Variants in BNIP3L observed in about 807,000 individuals in gnomAD.
The protein encoded by BNIP3L is BCL2/adenovirus E1B 19 kDa protein-interacting protein 3-like.
A neutral mutation model predicts 25.5 loss-of-function variants in BNIP3L; 10 were observed. That is an observed-to-expected ratio of 0.39 (90% CI 0.24 to 0.67). The LOEUF (loss-of-function observed/expected upper bound fraction) is 0.67. Ranked by LOEUF, BNIP3L falls within the 30% of genes least tolerant of loss-of-function variation. The pLI is 0.45. For synonymous variants in BNIP3L, 113 were observed against 101.2 expected, an observed-to-expected ratio of 1.12 and a Z score of -0.70; for missense variants, 215 against 270.9, an observed-to-expected ratio of 0.79 and a Z score of 1.45.
At chr8:26,399,922 A>G (rs1001747755) in intron 3 of BNIP3L, among the ~76,000 whole-genome samples, 1 of 148,966 alleles carries the variant, frequency 6.7e-6, no homozygotes, top group Non-Finnish European at 1.5e-5. Context: ...AGAGGATACA[A>G]AGAAATGGAA....
At chr8:26,390,193 A>G (rs772989414) in intron 1 of BNIP3L, among the ~76,000 whole-genome samples, 4 of 152,126 alleles carry the variant, frequency 2.6e-5, no homozygotes, top group Non-Finnish European at 4.4e-5. Context: ...GATTCAAGCA[A>G]TCCTGGTGCC....
rs1289145891 is a variant in BNIP3L, at chr8:26,408,256, C to G, written c.491C>G (p.Ser164Cys). Residue 164 changes from serine to cysteine, a missense_variant, in exon 5 of 6, where the codon TCT becomes TGT. Ser to Cys is a moderately radical substitution (Grantham distance 112, BLOSUM62 -1). Transcript: ENST00000380629. Reference protein sequence around the residue: ...KEFHFRHPKRSVSLSMRKSGA... With the variant: ...KEFHFRHPKRCVSLSMRKSGA... ...TTCCACTTCAGACACCCTAAACGTT[C>G]TGTGTCTTTAAGCATGAGGAAAAGT... The G allele has an allele frequency of 6.2e-7, 1 of 1,614,008 alleles. No individual in the cohort carries two copies. The highest frequency in any genetic ancestry group is 2.2e-5 in the East Asian group (1 of 44,888).
At chr8:26,393,724 C>T (rs888400346) in intron 2 of BNIP3L, among the ~76,000 whole-genome samples, 4 of 152,024 alleles carry the variant, frequency 2.6e-5, no homozygotes, top group Non-Finnish European at 5.9e-5. Flanking sequence ...AGCTGTGAAC[C>T]CAACAGTTAT....
intron 3 of BNIP3L, among the ~76,000 whole-genome samples, chr8:26,406,467 C>T (rs1806501577): frequency 6.6e-6 from 1 of 152,174 alleles, no homozygotes; most frequent in Admixed American, 6.5e-5. Flanking sequence ...TCAGTCTCCT[C>T]ATCTGTAAAA....
At chr8:26,403,440 T>C (rs1198344924) in intron 3 of BNIP3L, among the ~76,000 whole-genome samples, 1 of 152,184 alleles carries the variant, frequency 6.6e-6, no homozygotes, top group African/African-American at 2.4e-5. Flanking sequence ...TTTATATGTG[T>C]TTATAAGGAC....
intron 3 of BNIP3L, among the ~76,000 whole-genome samples, chr8:26,405,436 A>G (rs1007794590): frequency 7.2e-5 from 11 of 152,334 alleles, no homozygotes; most frequent in Admixed American, 7.2e-4. Flanking sequence ...CCTAAATGCT[A>G]CATTGTGTCA....
rs912348039 is a variant in BNIP3L at position 26,411,571 on chromosome 8, G to A, written c.*1159G>A. On this transcript the variant is annotated 3_prime_UTR_variant, in exon 6 of 6. Transcript: ENST00000380629. ...GTACAGTCTTCCCAAGGTGATTCCT[G>A]CGACTGCAGGCACTGGTCATTTTCT... 2 of 152,436 alleles carry A rather than the reference G, an allele frequency of 1.3e-5. No homozygotes were observed. The highest frequency in any genetic ancestry group is 4.8e-5 in the African/African-American group (2 of 41,450). The allele number at this position is 152,436 out of a possible 1,614,324, so 9.4% of individuals were successfully genotyped here. A position where few individuals can be genotyped will look rare whatever the true frequency, so the allele number is the denominator to read the frequency against.
At chr8:26,395,548 C>T in intron 3 of BNIP3L, 1 of 456,588 alleles carries the variant, frequency 2.2e-6, no homozygotes, top group South Asian at 3.2e-5. Context: ...GCCAATACTC[C>T]AGGCTAGTTT....
rs1401880458 is a variant in BNIP3L at position 26,399,624 on chromosome 8, A to G, written c.357+4322A>G. Among the ~76,000 whole-genome samples, 2 of 51,422 alleles carry G rather than the reference A, an allele frequency of 3.9e-5. 1 individual carries two copies. The highest frequency in any genetic ancestry group is 1.6e-4 in the African/African-American group (2 of 12,314). 33.7% of individuals were successfully genotyped at this position (51,422 alleles called of 152,430 possible). A position where few individuals can be genotyped will look rare whatever the true frequency, so the allele number is the denominator to read the frequency against. ...ATTCAATTAGGAAAAGAGGAAGTCAAATTGTCCCTGTTTGCAGATGACATG... is the reference window on the plus strand; with the variant it reads ...ATTCAATTAGGAAAAGAGGAAGTCAGATTGTCCCTGTTTGCAGATGACATG... On this transcript the variant is annotated intron_variant, in intron 3 of 5. Transcript: ENST00000380629.
intron 3 of BNIP3L, among the ~76,000 whole-genome samples, chr8:26,396,853 A>G (rs1218202649): frequency 1.9e-5 from 2 of 102,936 alleles, no homozygotes; most frequent in Admixed American, 2.2e-4. Context: ...GATGCGATCA[A>G]CTGGAAGAAA....
intron 2 of BNIP3L, 72 bp downstream of exon 2, chr8:26,391,498 A>G (rs1464018448): frequency 7.6e-7 from 1 of 1,321,084 alleles, no homozygotes; most frequent in Non-Finnish European, 1.0e-6. Flanking sequence ...TCTAGGAAAA[A>G]TCTGTTTGCT....
chr8:26,385,727 T>TA (rs1805978770), intron 1 of BNIP3L, among the ~76,000 whole-genome samples: 2 of 152,276 alleles, frequency 1.3e-5, no homozygotes, highest in East Asian at 3.9e-4. Flanking sequence ...CATCAGCTCT[T>TA]ACAGAGGTGG....
chr8:26,392,839 C>T (rs918579927), intron 2 of BNIP3L, among the ~76,000 whole-genome samples: 1 of 152,086 alleles, frequency 6.6e-6, no homozygotes, highest in Admixed American at 6.5e-5. Flanking sequence ...TCATTGATAC[C>T]ATGGTGTCCA....
At chr8:26,388,141 C>T (rs1432258164) in intron 1 of BNIP3L, among the ~76,000 whole-genome samples, 4 of 152,116 alleles carry the variant, frequency 2.6e-5, no homozygotes, top group Non-Finnish European at 5.9e-5. Flanking sequence ...GGAGTAGGAA[C>T]GGGAGGTTGG....
chr8:26,401,347 A>G (rs1359814265), intron 3 of BNIP3L, among the ~76,000 whole-genome samples: 1 of 147,838 alleles, frequency 6.8e-6, no homozygotes, highest in African/African-American at 2.5e-5. Flanking sequence ...ATTCTCACTC[A>G]TAGGTGGGAA....
In BNIP3L at chr8:26,386,791, A is replaced by G. The variant is rs538026398; in HGVS notation, c.100+3561A>G. On this transcript the variant is annotated intron_variant, in intron 1 of 5. Coordinates refer to ENST00000380629, the MANE Select transcript of BNIP3L (RefSeq NM_004331.3). Reference sequence around the variant, plus strand: ...TATGAAGAGTGCTCTTAAGGCCTTCATGGATTGTCACTGCCTCATAATAAT... The same window carrying G: ...TATGAAGAGTGCTCTTAAGGCCTTCGTGGATTGTCACTGCCTCATAATAAT... Among the ~76,000 whole-genome samples the G allele has an allele frequency of 3.3e-5, 5 of 152,302 alleles. No homozygotes were observed. The South Asian group carries it at 1.0e-3, about 32-fold the overall frequency.
chr8:26,403,754 G>A (rs989209067), intron 3 of BNIP3L, among the ~76,000 whole-genome samples: 2 of 151,720 alleles, frequency 1.3e-5, no homozygotes, highest in Admixed American at 6.6e-5. Context: ...TGCCCAGGCC[G>A]TTTTCAAACT....
At chr8:26,384,185 A>G (rs898511546) in intron 1 of BNIP3L, among the ~76,000 whole-genome samples, 51 of 152,114 alleles carry the variant, frequency 3.4e-4, no homozygotes, top group African/African-American at 9.4e-4. Context: ...CTTTAATTCA[A>G]CTCTTGGGAA....
intron 3 of BNIP3L, among the ~76,000 whole-genome samples, chr8:26,403,446 A>G (rs1806435021): frequency 6.6e-6 from 1 of 152,122 alleles, no homozygotes. Context: ...TGTGTTTATA[A>G]GGACTATATA....
Sources: allele counts gnomAD v4.1 joint callset (sites outside exome capture counted in the v4.1 genomes callset), GRCh38; gene constraint gnomAD v4.1.1; transcripts MANE v1.5; gene names NCBI Gene and HGNC (gene_info 2026-07-23, HGNC 2026-07-21).